Variants in EFCAB11 observed in about 807,000 individuals in gnomAD.
The protein encoded by EFCAB11 is EF-hand calcium binding domain 11.
EFCAB11 carries 14 observed loss-of-function variants against 23.0 expected under a neutral mutation model. The observed-to-expected ratio is 0.61, with a 90% CI of 0.40 to 0.95. The LOEUF (loss-of-function observed/expected upper bound fraction) is 0.95. EFCAB11 is among the 40% of genes least tolerant of loss of function. The pLI is 0.00. For missense variants in EFCAB11, 198 were observed against 195.8 expected (o/e 1.01, Z -0.07); for synonymous variants, 65 against 66.6 (o/e 0.98, Z 0.11).
At chr14:89,931,060 C>A (rs12050178) in intron 5 of EFCAB11, 28,800 of 153,070 alleles carry the variant, frequency 0.19, 3,157 homozygotes, top group South Asian at 0.32. Flanking sequence ...TATGTGTGAA[C>A]AGCAACATGT....
At chr14:89,934,438 AG>A (rs1294415222) in intron 3 of EFCAB11, among the ~76,000 whole-genome samples, 10 of 152,142 alleles carry the variant, frequency 6.6e-5, no homozygotes, top group Non-Finnish European at 1.5e-4. Context: ...ACTTAAAGAG[AG>A]GAGAAAGTCT....
intron 3 of EFCAB11, among the ~76,000 whole-genome samples, chr14:89,948,304 AT>A (rs1418614734): frequency 6.6e-6 from 1 of 152,236 alleles, no homozygotes; most frequent in Non-Finnish European, 1.5e-5. Context: ...CACAGTTAAA[AT>A]GGCTTTTATC....
At chr14:89,879,405 C>G (rs1457502719) in intron 5 of EFCAB11, among the ~76,000 whole-genome samples, 1 of 151,768 alleles carries the variant, frequency 6.6e-6, no homozygotes, top group Non-Finnish European at 1.5e-5. Flanking sequence ...TGCTATAATC[C>G]TATAAAACCA....
At chr14:89,820,880 T>C (rs551647561) in intron 5 of EFCAB11, among the ~76,000 whole-genome samples, 38 of 151,688 alleles carry the variant, frequency 2.5e-4, no homozygotes, top group African/African-American at 8.9e-4. Flanking sequence ...TTTTTAGATA[T>C]TATATATATA....
intron 5 of EFCAB11, among the ~76,000 whole-genome samples, chr14:89,900,973 T>C (rs887009125): frequency 2.6e-5 from 4 of 152,192 alleles, no homozygotes; most frequent in Non-Finnish European, 5.9e-5. Flanking sequence ...CTACATATGG[T>C]ATGAAGACAC....
intron 5 of EFCAB11, among the ~76,000 whole-genome samples, chr14:89,839,342 A>G (rs1887185937): frequency 6.6e-6 from 1 of 152,170 alleles, no homozygotes; most frequent in Admixed American, 6.5e-5. Context: ...AGAACAAATA[A>G]AGAGCAAAGT....
intron 5 of EFCAB11, among the ~76,000 whole-genome samples, chr14:89,875,861 T>C (rs1176922795): frequency 1.3e-5 from 2 of 151,490 alleles, no homozygotes; most frequent in Non-Finnish European, 1.5e-5. Context: ...GAAGAGAAAA[T>C]TGGAAAGGGC....
chr14:89,814,959 C>A (rs550185428), intron 5 of EFCAB11, among the ~76,000 whole-genome samples: 171 of 152,210 alleles, frequency 1.1e-3, no homozygotes, highest in Non-Finnish European at 2.1e-3. Flanking sequence ...TGTGTACACA[C>A]TGCAAGCAGT....
In EFCAB11 at chr14:89,797,251, C is replaced by A; in HGVS notation, c.484G>T (p.Glu162Ter). Residue 162 changes from glutamate to a stop codon, truncating the protein, a stop_gained, in exon 6 of 6, where the codon GAA (glutamate) becomes TAA (stop). Coordinates refer to ENST00000316738, the MANE Select transcript of EFCAB11 (RefSeq NM_145231.4). LOFTEE classifies it high-confidence loss of function. Reference protein sequence around the residue: ...FEYALNYGQKEA With the variant: ...FEYALNYGQK ...AAAGTAGTTCACAATAGTTAGGCTT[C>A]CTTCTGTCCATAGTTCAGGGCATAT... The A allele has an allele frequency of 6.2e-7, 1 of 1,613,240 alleles. No homozygotes were observed. The highest frequency in any genetic ancestry group is 1.1e-5 in the South Asian group (1 of 91,042).
chr14:89,805,130 G>A (rs1218525039), intron 5 of EFCAB11, among the ~76,000 whole-genome samples: 2 of 152,202 alleles, frequency 1.3e-5, no homozygotes, highest in South Asian at 2.1e-4. Context: ...CAAAACAGTG[G>A]CCTCATTAGC....
chr14:89,925,647 T>TC (rs2030538167), intron 5 of EFCAB11, among the ~76,000 whole-genome samples: 1 of 130,534 alleles, frequency 7.7e-6, no homozygotes, highest in Non-Finnish European at 1.5e-5. Context: ...TATGTTTCTT[T>TC]CTTTTTTTTT....
chr14:89,917,178 G>C (rs928496943), intron 5 of EFCAB11, among the ~76,000 whole-genome samples: 5 of 151,326 alleles, frequency 3.3e-5, no homozygotes, highest in Non-Finnish European at 7.4e-5. Flanking sequence ...TTACCATGCT[G>C]TACACTAGAT....
chr14:89,947,218 T>C (rs1891015837), intron 3 of EFCAB11, among the ~76,000 whole-genome samples: 1 of 152,168 alleles, frequency 6.6e-6, no homozygotes, highest in Admixed American at 6.5e-5. Context: ...TATTTTGAAC[T>C]TTTTGGAAGT....
chr14:89,879,057 A>G (rs1210117508), intron 5 of EFCAB11, among the ~76,000 whole-genome samples: 1 of 152,076 alleles, frequency 6.6e-6, no homozygotes, highest in Non-Finnish European at 1.5e-5. Flanking sequence ...TTGCCGAGAC[A>G]TGATCCCCCC....
intron 5 of EFCAB11, among the ~76,000 whole-genome samples, chr14:89,851,305 C>G (rs1378809555): frequency 2.0e-5 from 3 of 152,130 alleles, no homozygotes; most frequent in African/African-American, 7.2e-5. Flanking sequence ...GAAAAGATTT[C>G]CTCCAGCTGC....
chr14:89,830,106 C>T (rs764735950), intron 5 of EFCAB11: 5 of 151,990 alleles, frequency 3.3e-5, no homozygotes, highest in Non-Finnish European at 5.9e-5. Context: ...TAAAATAAAG[C>T]GTAGAAATTA....
chr14:89,797,458 T>A, intron 5 of EFCAB11, 134 bp from the exon 6 acceptor site: 1 of 637,042 alleles, frequency 1.6e-6, no homozygotes, highest in South Asian at 2.3e-5. Context: ...AAGGCTGAGA[T>A]TGATGCCTGT....
rs148776735 is a variant in EFCAB11, at chr14:89,910,417, G to C, written c.410+21124C>G. Among the ~76,000 whole-genome samples, 93 of 152,254 alleles carry C rather than the reference G, an allele frequency of 6.1e-4. 1 individual carries two copies. The Middle Eastern group carries it at 0.014, about 22-fold the overall frequency. On this transcript the variant is annotated intron_variant, in intron 5 of 5. Transcript: ENST00000316738. ...GTTCGAGACCAGCCTGGCCAACATG[G>C]TGAAACCCTATCTCTACTAAAAATA... is the stretch of plus-strand genomic sequence containing the variant.
At chr14:89,886,386 C>A (rs908772380) in intron 5 of EFCAB11, among the ~76,000 whole-genome samples, 2 of 151,714 alleles carry the variant, frequency 1.3e-5, no homozygotes, top group Non-Finnish European at 2.9e-5. Context: ...GGCGTGGTGG[C>A]GGGTGCCTGT....
Sources: gnomAD v4.1 joint callset for allele counts (sites outside exome capture counted in the v4.1 genomes callset) on GRCh38, gnomAD v4.1.1 for gene constraint, MANE v1.5 for transcripts, NCBI Gene and HGNC (gene_info 2026-07-23, HGNC 2026-07-21) for gene names.